The following CHST9 variants were observed in gnomAD, a reference collection of about 807,000 sequenced individuals.
CHST9 encodes GalNAc-4-sulfotransferase 2.
In CHST9, 41 loss-of-function variants were observed where a neutral mutation model predicts 44.4. That is an observed-to-expected ratio of 0.92 (90% CI 0.72 to 1.20). The LOEUF (loss-of-function observed/expected upper bound fraction) is 1.20, where lower values mean the gene tolerates loss of function less well. Ranked by LOEUF, CHST9 falls within the 50% of genes most tolerant of loss-of-function variation. CHST9 has a pLI of 0.00. For synonymous variants in CHST9, 171 were observed against 178.4 expected, an observed-to-expected ratio of 0.96 and a Z score of 0.33; for missense variants, 504 against 516.5, an observed-to-expected ratio of 0.98 and a Z score of 0.23.
At chr18:26,958,188 C>T (rs1324675972) in intron 4 of CHST9, among the ~76,000 whole-genome samples, 1 of 151,932 alleles carries the variant, frequency 6.6e-6, no homozygotes, top group Non-Finnish European at 1.5e-5. Flanking sequence ...GCCTGATTCT[C>T]AGACATTTCT....
intron 3 of CHST9, among the ~76,000 whole-genome samples, chr18:27,034,559 C>G (rs1312092749): frequency 1.3e-5 from 2 of 152,170 alleles, no homozygotes; most frequent in Non-Finnish European, 2.9e-5. Context: ...GTCTATAAGG[C>G]CCCATGTAAG....
intron 1 of CHST9, among the ~76,000 whole-genome samples, chr18:27,176,113 C>G (rs1056103796): frequency 1.3e-5 from 2 of 151,902 alleles, no homozygotes; most frequent in African/African-American, 4.8e-5. Flanking sequence ...GCAGCTGAAG[C>G]TGAGGGAAGA....
intron 5 of CHST9, among the ~76,000 whole-genome samples, chr18:26,929,399 CCTGACATATAGTGT>C (rs2055835165): frequency 6.6e-6 from 1 of 152,202 alleles, no homozygotes; most frequent in South Asian, 2.1e-4. Flanking sequence ...TAGTACAGTA[CCTGACATATAGTGT>C]CTGCCATATA....
chr18:27,154,893 G>A (rs1285458210), intron 1 of CHST9, among the ~76,000 whole-genome samples: 1 of 151,862 alleles, frequency 6.6e-6, no homozygotes, highest in African/African-American at 2.4e-5. Flanking sequence ...GACCAGCCTG[G>A]CCAACATGGT....
At chr18:26,970,992 C>T (rs2056535369) in intron 4 of CHST9, among the ~76,000 whole-genome samples, 1 of 152,310 alleles carries the variant, frequency 6.6e-6, no homozygotes, top group African/African-American at 2.4e-5. Context: ...AGGCCCAGCT[C>T]AGGTAGCCTC....
At chr18:26,953,019 A>G (rs2056272260) in intron 4 of CHST9, among the ~76,000 whole-genome samples, 1 of 151,832 alleles carries the variant, frequency 6.6e-6, no homozygotes, top group Admixed American at 6.5e-5. Context: ...ATGCAGGAAT[A>G]TGTCTTGAAC....
chr18:26,983,402 C>T (rs1388871423), intron 4 of CHST9, among the ~76,000 whole-genome samples: 1 of 152,122 alleles, frequency 6.6e-6, no homozygotes, highest in East Asian at 1.9e-4. Context: ...AGTGAGTTCT[C>T]ATGAGATCTG....
At chr18:27,166,230 A>G (rs1223614126) in intron 1 of CHST9, among the ~76,000 whole-genome samples, 2 of 152,014 alleles carry the variant, frequency 1.3e-5, no homozygotes, top group Admixed American at 6.6e-5. Flanking sequence ...CCTACTAGAC[A>G]TTTTCATTTG....
At chr18:27,028,324 A>G (rs2057304586) in intron 3 of CHST9, among the ~76,000 whole-genome samples, 1 of 152,316 alleles carries the variant, frequency 6.6e-6, no homozygotes, top group South Asian at 2.1e-4. Context: ...TTACATAATT[A>G]TCATTGAATA....
chr18:27,170,501 A>G (rs1270505731), intron 1 of CHST9, among the ~76,000 whole-genome samples: 2 of 152,210 alleles, frequency 1.3e-5, no homozygotes, highest in Non-Finnish European at 2.9e-5. Flanking sequence ...AAAGTAGGAC[A>G]CTTCAAAGAT....
intron 4 of CHST9, among the ~76,000 whole-genome samples, chr18:27,014,860 T>C (rs906050632): frequency 6.6e-6 from 1 of 152,192 alleles, no homozygotes; most frequent in Non-Finnish European, 1.5e-5. Context: ...CTCTTCTTTT[T>C]TTGCTTTCCC....
At chr18:27,167,054 T>A (rs150423641) in intron 1 of CHST9, among the ~76,000 whole-genome samples, 19 of 152,352 alleles carry the variant, frequency 1.2e-4, no homozygotes, top group South Asian at 6.2e-4. Flanking sequence ...CCTCAACTTC[T>A]GTTCTTGATG....
At chr18:27,149,034 T>C (rs199887295) in intron 1 of CHST9, among the ~76,000 whole-genome samples, 5 of 131,040 alleles carry the variant, frequency 3.8e-5, no homozygotes, top group Non-Finnish European at 3.4e-5. Context: ...TTTCATGTGT[T>C]TTTTGGCTGC....
At chr18:26,979,565 C>A (rs1374596638) in intron 4 of CHST9, among the ~76,000 whole-genome samples, 1 of 151,954 alleles carries the variant, frequency 6.6e-6, no homozygotes, top group Non-Finnish European at 1.5e-5. Flanking sequence ...ATTTACAAGG[C>A]CTCATCTGCA....
chr18:27,054,084 C>T (rs1277583650), intron 2 of CHST9, among the ~76,000 whole-genome samples: 1 of 152,188 alleles, frequency 6.6e-6, no homozygotes, highest in Non-Finnish European at 1.5e-5. Flanking sequence ...CGTTCTCTCT[C>T]CTGATGTCTA....
chr18:27,160,806 C>G (rs2058740173), intron 1 of CHST9, among the ~76,000 whole-genome samples: 1 of 152,012 alleles, frequency 6.6e-6, no homozygotes, highest in South Asian at 2.1e-4. Context: ...TTGGTCTATT[C>G]AGAGATTCAA....
intron 1 of CHST9, among the ~76,000 whole-genome samples, chr18:27,165,082 G>A (rs538091606): frequency 2.0e-5 from 3 of 152,222 alleles, no homozygotes; most frequent in Non-Finnish European, 4.4e-5. Context: ...GATAACAGCT[G>A]TGTAACAGGT....
chr18:27,018,018 A>C (rs2629943), intron 4 of CHST9, among the ~76,000 whole-genome samples: 2 of 152,230 alleles, frequency 1.3e-5, no homozygotes, highest in African/African-American at 4.8e-5. Flanking sequence ...AAGAATTACA[A>C]AAACCAAAAC....
intron 1 of CHST9, among the ~76,000 whole-genome samples, chr18:27,148,402 C>A (rs2058632019): frequency 9.5e-6 from 1 of 105,004 alleles, no homozygotes; most frequent in African/African-American, 3.7e-5. Context: ...AGCTATCCCT[C>A]CCCCCTCCCC....
Sources: allele counts gnomAD v4.1 joint callset (sites outside exome capture counted in the v4.1 genomes callset), GRCh38; gene constraint gnomAD v4.1.1; transcripts MANE v1.5; gene names NCBI Gene and HGNC (gene_info 2026-07-23, HGNC 2026-07-21).